The following KIAA1958 variants were observed in gnomAD, a reference collection of about 807,000 sequenced individuals.
KIAA1958 encodes uncharacterized protein KIAA1958.
A neutral mutation model predicts 47.2 loss-of-function variants in KIAA1958; 14 were observed. That is an observed-to-expected ratio of 0.30 (90% CI 0.20 to 0.46). The LOEUF (loss-of-function observed/expected upper bound fraction) is 0.46. Among genes scored for constraint, KIAA1958 ranks in the 20% least tolerant of loss-of-function variants. The pLI is 1.00. For synonymous variants in KIAA1958, 354 were observed against 353.3 expected (o/e 1.00, Z -0.02); for missense variants, 803 against 909.2 (o/e 0.88, Z 1.50).
In KIAA1958 at chr9:112,625,388, A is replaced by G. The variant is rs145992829; in HGVS notation, c.1172-20262A>G. 5.9e-3 allele frequency among the ~76,000 whole-genome samples: 900 copies of G among 152,250 alleles called. 15 individuals are homozygous for G. Among genetic ancestry groups the G allele is most frequent in the African/African-American group, 0.02 (844 of 41,552 alleles). On this transcript the variant is annotated intron_variant, in intron 2 of 3. Transcript: ENST00000337530. ...AGGCTGGTCTCAAACTCCTGGACTC[A>G]AGTGATCCCCCCACCTCAGCCTCCC...
chr9:112,626,398 A>G (rs1457112995), intron 2 of KIAA1958, among the ~76,000 whole-genome samples: 1 of 152,128 alleles, frequency 6.6e-6, no homozygotes, highest in African/African-American at 2.4e-5. Context: ...GTAATGTTGA[A>G]TTATGTTAGA....
intron 2 of KIAA1958, among the ~76,000 whole-genome samples, chr9:112,595,576 G>T (rs925522460): frequency 6.6e-6 from 1 of 151,482 alleles, no homozygotes; most frequent in Non-Finnish European, 1.5e-5. Context: ...GGTAGGCGGA[G>T]CTGAGGCAGG....
chr9:112,618,911 G>A lies in KIAA1958; in HGVS notation c.1172-26739G>A, dbSNP rs149946235. 1.7e-3 allele frequency: 2,587 copies of A among 1,526,710 alleles called. 47 individuals carry two copies. In the African/African-American group the frequency reaches 0.032, roughly 19 times the overall value. 94.6% of individuals were successfully genotyped at this position (1,526,710 alleles called of 1,614,324 possible). On this transcript the variant is annotated intron_variant, in intron 2 of 3. Coordinates refer to ENST00000337530, the MANE Select transcript of KIAA1958 (RefSeq NM_133465.4). The surrounding 1 kb of genome is among the most constrained non-coding windows in gnomAD (Gnocchi z 7.1). ...CTCCTATGACTCTTCCTCAGACACC[G>A]CTTGACCAGGTGGCTTGAGCAAGAC...
chr9:112,577,670 T>C (rs1401974828), intron 2 of KIAA1958, among the ~76,000 whole-genome samples: 1 of 152,154 alleles, frequency 6.6e-6, no homozygotes, highest in Non-Finnish European at 1.5e-5. Context: ...GCAAGACTTT[T>C]CTGCATCTGC....
chr9:112,618,506 T>A lies in KIAA1958; in HGVS notation c.1172-27144T>A, dbSNP rs151187497. 6 of 1,550,636 alleles carry A rather than the reference T, an allele frequency of 3.9e-6. No individual in the cohort carries two copies. The East Asian group carries it at 1.5e-4, about 38-fold the overall frequency. On this transcript the variant is annotated intron_variant, in intron 2 of 3. Transcript: ENST00000337530. The surrounding 1 kb of genome is among the most constrained non-coding windows in gnomAD (Gnocchi z 7.1). ...CAAAACCAAGAGAGGGGGGACAGAC[T>A]CCCGTGTGTATGCCACCCAGCACGC...
At chr9:112,491,826 A>G (rs1439268336) in intron 1 of KIAA1958, among the ~76,000 whole-genome samples, 2 of 152,084 alleles carry the variant, frequency 1.3e-5, no homozygotes, top group Non-Finnish European at 2.9e-5. Flanking sequence ...TGCATAGGAT[A>G]CTTCTTGGTT....
At chr9:112,649,345 A>G (rs967267244) in intron 3 of KIAA1958, among the ~76,000 whole-genome samples, 1 of 150,624 alleles carries the variant, frequency 6.6e-6, no homozygotes, top group Non-Finnish European at 1.5e-5. Flanking sequence ...TTTTGTACAG[A>G]CGATGTCTCT....
chr9:112,548,860 C>G (rs555102545), intron 1 of KIAA1958, among the ~76,000 whole-genome samples: 1 of 152,006 alleles, frequency 6.6e-6, no homozygotes, highest in Non-Finnish European at 1.5e-5. Flanking sequence ...TCAATATGAC[C>G]GGTGTCCTTA....
At chr9:112,582,895 A>G (rs545083271) in intron 2 of KIAA1958, among the ~76,000 whole-genome samples, 1 of 152,330 alleles carries the variant, frequency 6.6e-6, no homozygotes, top group East Asian at 1.9e-4. Flanking sequence ...ATTCTCTGGC[A>G]TTGACAGGGG....
At chr9:112,599,684 C>T (rs1836095766) in intron 2 of KIAA1958, among the ~76,000 whole-genome samples, 11 of 152,136 alleles carry the variant, frequency 7.2e-5, no homozygotes, top group African/African-American at 2.4e-5. Context: ...TATAATGAAT[C>T]CATGTGTCTT....
intron 2 of KIAA1958, among the ~76,000 whole-genome samples, chr9:112,580,639 T>A (rs915403030): frequency 5.3e-5 from 8 of 152,024 alleles, no homozygotes; most frequent in African/African-American, 1.9e-4. Flanking sequence ...ATACAAAAAT[T>A]AGCCCAGCGT....
chr9:112,522,371 C>T (rs558053441), intron 1 of KIAA1958, among the ~76,000 whole-genome samples: 210 of 152,312 alleles, frequency 1.4e-3, no homozygotes, highest in African/African-American at 4.7e-3. Context: ...GTGCTTTATG[C>T]CTAATACTCC....
intron 3 of KIAA1958, among the ~76,000 whole-genome samples, chr9:112,649,271 C>T (rs1837022808): frequency 6.6e-6 from 1 of 152,068 alleles, no homozygotes; most frequent in African/African-American, 2.4e-5. Context: ...GGTCCTTCCA[C>T]CTCAGCCTCC....
chr9:112,535,126 G>A (rs890025750), intron 1 of KIAA1958, among the ~76,000 whole-genome samples: 3 of 151,958 alleles, frequency 2.0e-5, no homozygotes, highest in East Asian at 1.9e-4. Flanking sequence ...AAAATCTCTC[G>A]GCAGTTTTCA....
chr9:112,488,584 A>G (rs1456849492), intron 1 of KIAA1958, among the ~76,000 whole-genome samples: 1 of 152,176 alleles, frequency 6.6e-6, no homozygotes, highest in Non-Finnish European at 1.5e-5. Flanking sequence ...CCAGGAGATT[A>G]AAAAAACGAA....
chr9:112,586,508 T>C, intron 2 of KIAA1958, among the ~76,000 whole-genome samples: 1 of 152,200 alleles, frequency 6.6e-6, no homozygotes, highest in East Asian at 1.9e-4. Flanking sequence ...CTTTTTAAAA[T>C]GCTTGCAAAT....
intron 1 of KIAA1958, among the ~76,000 whole-genome samples, chr9:112,551,966 A>G (rs1006195182): frequency 6.6e-6 from 1 of 152,160 alleles, no homozygotes; most frequent in African/African-American, 2.4e-5. Flanking sequence ...TGTTCATCCT[A>G]CTTGTATAGT....
In KIAA1958 at chr9:112,618,753, G is replaced by T. The variant is rs774655140; in HGVS notation, c.1172-26897G>T. On this transcript the variant is annotated intron_variant, in intron 2 of 3. Coordinates refer to ENST00000337530, the MANE Select transcript of KIAA1958 (RefSeq NM_133465.4). The surrounding 1 kb of genome is among the most constrained non-coding windows in gnomAD (Gnocchi z 7.1). ...ATCCCTGGCAGGAAAACCAACTTCAGTGTGTATCAGAGCTGCAGCACCTTG... is the reference window on the plus strand; with the variant it reads ...ATCCCTGGCAGGAAAACCAACTTCATTGTGTATCAGAGCTGCAGCACCTTG... 6.4e-7 allele frequency: 1 copy of T among 1,550,680 alleles called. No individual in the cohort carries two copies. Among genetic ancestry groups the T allele is most frequent in the South Asian group, 1.2e-5 (1 of 84,066 alleles).
At chr9:112,495,175 A>G (rs1045784027) in intron 1 of KIAA1958, among the ~76,000 whole-genome samples, 2 of 152,088 alleles carry the variant, frequency 1.3e-5, no homozygotes, top group Non-Finnish European at 2.9e-5. Context: ...GGTCTCCCAA[A>G]GTGCTGAGAT....
Sources: gnomAD v4.1 joint callset for allele counts (sites outside exome capture counted in the v4.1 genomes callset) on GRCh38, gnomAD v4.1.1 for gene constraint, Gnocchi (gnomAD v3.1) non-coding constraint, MANE v1.5 for transcripts, NCBI Gene and HGNC (gene_info 2026-07-23, HGNC 2026-07-21) for gene names.